GRIK2: variants seen among roughly 807,000 people sequenced by gnomAD.
GRIK2 encodes glutamate ionotropic receptor kainate type subunit 2.
GRIK2 carries 32 observed loss-of-function variants against 100.3 expected under a neutral mutation model. That is an observed-to-expected ratio of 0.32 (90% CI 0.24 to 0.43). The LOEUF is 0.43. GRIK2 is among the 20% of genes least tolerant of loss of function. The probability of loss-of-function intolerance (pLI) is 1.00; values close to 1 mark genes in which losing one functional copy is unlikely to be tolerated. For missense variants in GRIK2, 843 were observed against 1,114.9 expected, an observed-to-expected ratio of 0.76 and a Z score of 3.47; for synonymous variants, 417 against 389.4, an observed-to-expected ratio of 1.07 and a Z score of -0.83.
chr6:101,597,145 A>G (rs1778965238), intron 2 of GRIK2, among the ~76,000 whole-genome samples: 1 of 151,920 alleles, frequency 6.6e-6, no homozygotes, highest in South Asian at 2.1e-4. Flanking sequence ...AGAAAACCAA[A>G]TACCACATGT....
At chr6:101,803,824 C>T (rs527851255) in intron 9 of GRIK2, among the ~76,000 whole-genome samples, 1 of 151,898 alleles carries the variant, frequency 6.6e-6, no homozygotes, top group Non-Finnish European at 1.5e-5. Context: ...TCTCTGTGCT[C>T]CATTGTGGCT....
intron 11 of GRIK2, among the ~76,000 whole-genome samples, chr6:101,872,788 A>G (rs1272709791): frequency 6.6e-6 from 1 of 151,938 alleles, no homozygotes; most frequent in Non-Finnish European, 1.5e-5. Context: ...TTCTACACAA[A>G]TATTAAATAG....
intron 11 of GRIK2, among the ~76,000 whole-genome samples, chr6:101,884,239 CTTAG>C (rs906008898): frequency 7.2e-5 from 11 of 152,026 alleles, no homozygotes; most frequent in East Asian, 3.9e-4. Flanking sequence ...GCTTAAGTGT[CTTAG>C]TTAGAATAAA....
At chr6:101,647,685 T>G (rs1238533445) in intron 4 of GRIK2, among the ~76,000 whole-genome samples, 2 of 152,034 alleles carry the variant, frequency 1.3e-5, no homozygotes, top group Non-Finnish European at 2.9e-5. Flanking sequence ...TTATTTGTAT[T>G]TTTTATTTAT....
intron 2 of GRIK2, among the ~76,000 whole-genome samples, chr6:101,412,691 A>C (rs999096968): frequency 2.0e-5 from 3 of 152,042 alleles, no homozygotes; most frequent in Non-Finnish European, 4.4e-5. Flanking sequence ...ATGTAATTTC[A>C]AGAAAATGCA....
intron 2 of GRIK2, among the ~76,000 whole-genome samples, chr6:101,516,131 A>G (rs1450968182): frequency 1.3e-5 from 2 of 152,152 alleles, no homozygotes; most frequent in Non-Finnish European, 2.9e-5. Context: ...ATGGAGGGAT[A>G]GAATCAATAT....
At chr6:101,998,541 T>C (rs1174031485) in intron 14 of GRIK2, among the ~76,000 whole-genome samples, 1 of 152,040 alleles carries the variant, frequency 6.6e-6, no homozygotes, top group African/African-American at 2.4e-5. Flanking sequence ...TTAGGAAATA[T>C]TTGCCATATT....
chr6:101,785,225 T>C lies in GRIK2; in HGVS notation c.952-14423T>C, dbSNP rs148135340. On this transcript the variant is annotated intron_variant, in intron 7 of 16. Transcript: ENST00000369134. ...GAATATTGATCCCATGTGAGACAAATAGCTTGCAAATATTTTCTACCATTC... is the reference window on the plus strand; with the variant it reads ...GAATATTGATCCCATGTGAGACAAACAGCTTGCAAATATTTTCTACCATTC... Among the ~76,000 whole-genome samples the C allele has an allele frequency of 3.8e-3, 583 of 152,236 alleles. 3 individuals carry two copies. The highest frequency in any genetic ancestry group is 6.3e-3 in the Non-Finnish European group (429 of 68,006).
At chr6:101,996,142 GTTGTTCTAAAA>G (rs779475130) in intron 14 of GRIK2, among the ~76,000 whole-genome samples, 111 of 151,912 alleles carry the variant, frequency 7.3e-4, no homozygotes, top group Non-Finnish European at 1.1e-3. Flanking sequence ...TTGTTCTAAG[GTTGTTCTAAAA>G]TTGTTCTAAA....
At chr6:101,533,811 T>C (rs1468238535) in intron 2 of GRIK2, among the ~76,000 whole-genome samples, 1 of 151,964 alleles carries the variant, frequency 6.6e-6, no homozygotes, top group Non-Finnish European at 1.5e-5. Flanking sequence ...ATGAAGGAAA[T>C]TAAACATCTG....
At chr6:102,002,321 A>C (rs1562101899) in intron 14 of GRIK2, among the ~76,000 whole-genome samples, 1 of 147,786 alleles carries the variant, frequency 6.8e-6, no homozygotes, top group Non-Finnish European at 1.5e-5. Context: ...TATACATACT[A>C]TATATATTAT....
At chr6:101,597,037 C>G (rs1198139751) in intron 2 of GRIK2, among the ~76,000 whole-genome samples, 1 of 151,766 alleles carries the variant, frequency 6.6e-6, no homozygotes, top group Non-Finnish European at 1.5e-5. Context: ...GGTACATATA[C>G]AACATAAAAT....
intron 15 of GRIK2, among the ~76,000 whole-genome samples, chr6:102,050,933 G>A (rs1466641664): frequency 6.6e-6 from 1 of 152,124 alleles, no homozygotes; most frequent in Non-Finnish European, 1.5e-5. Flanking sequence ...AATAATCACA[G>A]TTTAATCTCT....
At chr6:101,510,958 T>C (rs879625474) in intron 2 of GRIK2, among the ~76,000 whole-genome samples, 2 of 152,116 alleles carry the variant, frequency 1.3e-5, no homozygotes, top group Admixed American at 6.5e-5. Context: ...AAAGATGAGA[T>C]GTTATGCTTT....
intron 14 of GRIK2, among the ~76,000 whole-genome samples, chr6:101,992,489 A>G (rs2128492561): frequency 6.6e-6 from 1 of 151,810 alleles, no homozygotes; most frequent in African/African-American, 2.4e-5. Context: ...GAGCCCGTCA[A>G]AGCAAATGCT....
At chr6:101,896,455 A>G (rs1278416967) in intron 12 of GRIK2, among the ~76,000 whole-genome samples, 1 of 151,798 alleles carries the variant, frequency 6.6e-6, no homozygotes, top group Non-Finnish European at 1.5e-5. Context: ...AATTTTCTGT[A>G]ATCAAATGCT....
chr6:101,414,706 G>A (rs1360805469), intron 2 of GRIK2, among the ~76,000 whole-genome samples: 2 of 152,248 alleles, frequency 1.3e-5, no homozygotes, highest in East Asian at 3.9e-4. Flanking sequence ...GGATGGACAC[G>A]TTTTAGATGT....
At chr6:101,493,094 A>C (rs1400341914) in intron 2 of GRIK2, among the ~76,000 whole-genome samples, 2 of 152,010 alleles carry the variant, frequency 1.3e-5, no homozygotes, top group Non-Finnish European at 2.9e-5. Flanking sequence ...GGAATTATCC[A>C]GAATATAATA....
chr6:102,062,524 C>T lies in GRIK2; in HGVS notation c.2563-5823C>T, dbSNP rs79852889. Among the ~76,000 whole-genome samples the T allele has an allele frequency of 1.1e-4, 17 of 150,496 alleles. No homozygotes were observed. The East Asian group carries it at 2.1e-3, about 19-fold the overall frequency. On this transcript the variant is annotated intron_variant, in intron 16 of 16. Coordinates refer to ENST00000369134, the MANE Select transcript of GRIK2 (RefSeq NM_021956.5). ...AAAACTACAGTGATCAGTAGGATCA[C>T]GAAAGATGCTACATGTAAAGTTTCT...
Sources: gnomAD v4.1 joint callset for allele counts (sites outside exome capture counted in the v4.1 genomes callset) on GRCh38, gnomAD v4.1.1 for gene constraint, MANE v1.5 for transcripts, NCBI Gene and HGNC (gene_info 2026-07-23, HGNC 2026-07-21) for gene names.